AKAP6: variants seen among roughly 807,000 people sequenced by gnomAD.
AKAP6 encodes A-kinase anchor protein 6.
A neutral mutation model predicts 188.5 loss-of-function variants in AKAP6; 58 were observed. The observed-to-expected ratio is 0.31, with a 90% CI of 0.25 to 0.38. The LOEUF (loss-of-function observed/expected upper bound fraction) is 0.38. Among genes scored for constraint, AKAP6 ranks in the 10% least tolerant of loss-of-function variants. AKAP6 has a pLI of 1.00. For synonymous variants in AKAP6, 989 were observed against 998.6 expected (o/e 0.99, Z 0.18); for missense variants, 2,710 against 2,740.0 (o/e 0.99, Z 0.24).
intron 1 of AKAP6, among the ~76,000 whole-genome samples, chr14:32,372,256 T>C (rs1041698190): frequency 6.6e-6 from 1 of 152,178 alleles, no homozygotes; most frequent in Non-Finnish European, 1.5e-5. Context: ...TTTATTAATG[T>C]AACATTTTTT....
intron 1 of AKAP6, among the ~76,000 whole-genome samples, chr14:32,343,927 T>G (rs1886981114): frequency 6.6e-6 from 1 of 152,112 alleles, no homozygotes. Flanking sequence ...TCTGAATTCC[T>G]AAAGCAATAA....
intron 12 of AKAP6, among the ~76,000 whole-genome samples, chr14:32,776,313 C>T (rs983184853): frequency 2.6e-5 from 4 of 152,136 alleles, no homozygotes; most frequent in African/African-American, 4.8e-5. Flanking sequence ...ATACTGTTCT[C>T]ATGGTAGTGA....
intron 1 of AKAP6, among the ~76,000 whole-genome samples, chr14:32,431,544 G>A (rs976961713): frequency 6.6e-6 from 1 of 151,952 alleles, no homozygotes; most frequent in African/African-American, 2.4e-5. Flanking sequence ...TTTCACTCTT[G>A]TTGCCCAGGC....
intron 1 of AKAP6, among the ~76,000 whole-genome samples, chr14:32,391,626 G>T (rs1288526272): frequency 1.3e-5 from 2 of 152,194 alleles, no homozygotes; most frequent in African/African-American, 4.8e-5. Context: ...CGGTGCTGTT[G>T]TGGTGATAGT....
intron 2 of AKAP6, among the ~76,000 whole-genome samples, chr14:32,444,031 G>C (rs1195808552): frequency 6.6e-6 from 1 of 152,096 alleles, no homozygotes; most frequent in Non-Finnish European, 1.5e-5. Context: ...TATTGAGCCT[G>C]GTGGAAACAC....
At chr14:32,803,572 C>T (rs2034011552) in intron 12 of AKAP6, among the ~76,000 whole-genome samples, 1 of 152,146 alleles carries the variant, frequency 6.6e-6, no homozygotes, top group Non-Finnish European at 1.5e-5. Flanking sequence ...TCTGACTACT[C>T]TTATTTTTTT....
In AKAP6 at chr14:32,735,879, T is replaced by C; in HGVS notation, c.3369T>C (p.Phe1123=). ...ATACTGAGAAACAACTGCAATACTT[T>C]AAGGTAATAAAAAAACAATCAAAGT... ...TMNTEKQLQY[F]KSLCREIKQR... The change falls in exon 11 of 14, where the codon TTT becomes TTC. Residue 1123 remains phenylalanine (F), a synonymous_variant. Transcript: ENST00000280979. The C allele has an allele frequency of 1.3e-6, 2 of 1,576,658 alleles. No individual in the cohort carries two copies. The highest frequency in any genetic ancestry group is 2.3e-5 in the South Asian group (2 of 85,554).
At chr14:32,338,033 C>A (rs541612595) in intron 1 of AKAP6, among the ~76,000 whole-genome samples, 50 of 151,778 alleles carry the variant, frequency 3.3e-4, no homozygotes, top group African/African-American at 1.2e-3. Flanking sequence ...CAAAACAAGA[C>A]ACGTTTTACT....
rs754207000 is a variant in AKAP6, at chr14:32,822,367, A to G, written c.4554A>G (p.Leu1518=). 2 of 1,614,026 alleles carry G rather than the reference A, an allele frequency of 1.2e-6. No individual in the cohort carries two copies. Among genetic ancestry groups the G allele is most frequent in the South Asian group, 2.2e-5 (2 of 91,080 alleles). The change falls in exon 13 of 14, where the codon TTA becomes TTG. Residue 1518 remains leucine (L), a synonymous_variant. Transcript: ENST00000280979. ...AATCTAAACATCAGACTACAGAGTT[A>G]CAACCAGATGTACCTCCCCATGAAA... The part of the protein sequence containing the change: ...SCKSKHQTTE[L]QPDVPPHERI...
intron 9 of AKAP6, among the ~76,000 whole-genome samples, chr14:32,720,734 C>T (rs913052312): frequency 6.6e-6 from 1 of 152,050 alleles, no homozygotes; most frequent in Non-Finnish European, 1.5e-5. Context: ...GTCCCAGCTA[C>T]GTAGGAGGCT....
In AKAP6 at chr14:32,823,318, G is replaced by A; in HGVS notation, c.5505G>A (p.Glu1835=). The change falls in exon 13 of 14, where the codon GAG becomes GAA. Residue 1835 remains glutamate, a synonymous_variant. Coordinates refer to ENST00000280979, the MANE Select transcript of AKAP6 (RefSeq NM_004274.5). The part of the protein sequence containing the change: ...MKGSKDISSS[E]MTNPSDTLNI... ...GCAGTAAAGATATAAGTAGCAGTGA[G>A]ATGACCAATCCCTCTGATACTCTGA... is the stretch of plus-strand genomic sequence containing the variant. 6.2e-7 allele frequency: 1 copy of A among 1,613,880 alleles called. No individual in the cohort carries two copies. Among genetic ancestry groups the A allele is most frequent in the East Asian group, 2.2e-5 (1 of 44,874 alleles).
chr14:32,732,721 T>G, intron 10 of AKAP6, 121 bp downstream of exon 10: 1 of 1,161,740 alleles, frequency 8.6e-7, no homozygotes, highest in Non-Finnish European at 1.3e-6. Flanking sequence ...TACCTACGTT[T>G]CAAACAAGCT....
chr14:32,751,138 T>C (rs951014561), intron 11 of AKAP6, among the ~76,000 whole-genome samples: 2 of 143,652 alleles, frequency 1.4e-5, no homozygotes, highest in Non-Finnish European at 3.1e-5. Context: ...GAATTAATTA[T>C]ATTATTTTCA....
intron 2 of AKAP6, among the ~76,000 whole-genome samples, chr14:32,517,692 C>A (rs1034968849): frequency 1.3e-5 from 2 of 152,202 alleles, no homozygotes; most frequent in Non-Finnish European, 2.9e-5. Context: ...AACAAAGCAG[C>A]CTGGAAGCTC....
intron 7 of AKAP6, among the ~76,000 whole-genome samples, chr14:32,673,958 A>C (rs1178220828): frequency 6.6e-6 from 1 of 152,184 alleles, no homozygotes; most frequent in Non-Finnish European, 1.5e-5. Context: ...ATGTGTTATG[A>C]AGGAAATTAA....
chr14:32,686,141 C>T (rs1422573573), intron 8 of AKAP6, among the ~76,000 whole-genome samples: 1 of 152,104 alleles, frequency 6.6e-6, no homozygotes, highest in African/African-American at 2.4e-5. Flanking sequence ...TTTGCAACGA[C>T]GTGATGGAGC....
chr14:32,610,642 GA>G (rs1228097289), intron 7 of AKAP6, among the ~76,000 whole-genome samples: 3 of 152,206 alleles, frequency 2.0e-5, no homozygotes, highest in Admixed American at 6.6e-5. Context: ...AGGCCTAAGA[GA>G]AGATGGATTT....
chr14:32,785,811 T>C (rs2033383950), intron 12 of AKAP6, among the ~76,000 whole-genome samples: 1 of 152,192 alleles, frequency 6.6e-6, no homozygotes, highest in Non-Finnish European at 1.5e-5. Flanking sequence ...TATACTTATT[T>C]GGACATAGTC....
At chr14:32,790,983 G>A (rs2140054036) in intron 12 of AKAP6, among the ~76,000 whole-genome samples, 1 of 152,280 alleles carries the variant, frequency 6.6e-6, no homozygotes, top group East Asian at 1.9e-4. Flanking sequence ...ATTCCATGGT[G>A]TATATGTGCC....
Sources: gnomAD v4.1 joint callset for allele counts (sites outside exome capture counted in the v4.1 genomes callset) on GRCh38, gnomAD v4.1.1 for gene constraint, MANE v1.5 for transcripts, NCBI Gene and HGNC (gene_info 2026-07-23, HGNC 2026-07-21) for gene names.